The following RTN1 variants were observed in gnomAD, a reference collection of about 807,000 sequenced individuals.
The protein encoded by RTN1 is reticulon-1.
A neutral mutation model predicts 65.5 loss-of-function variants in RTN1; 25 were observed. The observed-to-expected ratio is 0.38, with a 90% CI of 0.28 to 0.53. RTN1 has a LOEUF of 0.53. Among genes scored for constraint, RTN1 ranks in the 20% least tolerant of loss-of-function variants. The pLI is 0.79. For missense variants in RTN1, 983 were observed against 1,025.4 expected (o/e 0.96, Z 0.57); for synonymous variants, 471 against 447.6 (o/e 1.05, Z -0.66).
chr14:59,781,457 A>G (rs543500031), intron 1 of RTN1, among the ~76,000 whole-genome samples: 2 of 152,042 alleles, frequency 1.3e-5, no homozygotes, highest in Non-Finnish European at 2.9e-5. Flanking sequence ...AGTAAGTGGA[A>G]CATAAACTTA....
chr14:59,706,095 A>G (rs1404966826), intron 3 of RTN1, among the ~76,000 whole-genome samples: 3 of 152,202 alleles, frequency 2.0e-5, no homozygotes, highest in Non-Finnish European at 4.4e-5. Context: ...AAAGCAGGAG[A>G]GGAAGTCTCC....
At chr14:59,714,332 T>C (rs1338164488) in intron 3 of RTN1, among the ~76,000 whole-genome samples, 4 of 152,160 alleles carry the variant, frequency 2.6e-5, no homozygotes, top group Non-Finnish European at 5.9e-5. Flanking sequence ...TTATATTACA[T>C]CATGGGTTAT....
intron 1 of RTN1, among the ~76,000 whole-genome samples, chr14:59,854,852 TACC>T (rs1887576487): frequency 6.6e-6 from 1 of 152,100 alleles, no homozygotes; most frequent in African/African-American, 2.4e-5. Context: ...AAAATAACCA[TACC>T]TACTTTATTG....
chr14:59,704,736 G>T (rs759115859), intron 3 of RTN1, among the ~76,000 whole-genome samples: 15 of 152,158 alleles, frequency 9.9e-5, no homozygotes, highest in Non-Finnish European at 1.9e-4. Context: ...AAAGCATCTT[G>T]GGGGAGCCAG....
At chr14:59,835,007 T>A (rs1887189858) in intron 1 of RTN1, among the ~76,000 whole-genome samples, 1 of 152,184 alleles carries the variant, frequency 6.6e-6, no homozygotes, top group Non-Finnish European at 1.5e-5. Flanking sequence ...CAAGTATTAA[T>A]CCAAGAAAAT....
chr14:59,601,076 G>A (rs1881563377), intron 8 of RTN1, among the ~76,000 whole-genome samples: 1 of 152,140 alleles, frequency 6.6e-6, no homozygotes, highest in Non-Finnish European at 1.5e-5. Flanking sequence ...GCCATTTCCT[G>A]CTGGGTTGGA....
chr14:59,836,824 G>A lies in RTN1; in HGVS notation c.241+33566C>T, dbSNP rs1347990600. Among the ~76,000 whole-genome samples, 1 of 152,086 alleles carries A rather than the reference G, an allele frequency of 6.6e-6. No individual in the cohort carries two copies. The highest frequency in any genetic ancestry group is 2.4e-5 in the African/African-American group (1 of 41,412). ...CAAACCAATCCAAAAGGTTCTAGGTGAAAAGGAAGGGAGTGAAGAGGGAGA... is the reference window on the plus strand; with the variant it reads ...CAAACCAATCCAAAAGGTTCTAGGTAAAAAGGAAGGGAGTGAAGAGGGAGA... On this transcript the variant is annotated intron_variant, in intron 1 of 8. Coordinates refer to ENST00000267484, the MANE Select transcript of RTN1 (RefSeq NM_021136.3). This position sits in a 1 kb window ranked among gnomAD's most constrained non-coding sequence, Gnocchi z 4.9.
At chr14:59,776,563 T>G (rs987697438) in intron 1 of RTN1, among the ~76,000 whole-genome samples, 2 of 152,126 alleles carry the variant, frequency 1.3e-5, no homozygotes, top group African/African-American at 4.8e-5. Flanking sequence ...GCTAAGACAT[T>G]CAAAAATAGG....
At chr14:59,750,116 AATATATATTATC>A (rs1456021881) in intron 1 of RTN1, among the ~76,000 whole-genome samples, 1 of 85,782 alleles carries the variant, frequency 1.2e-5, no homozygotes, top group Non-Finnish European at 2.0e-5. Context: ...TATTATATAT[AATATATATTATC>A]TATAATATAT....
chr14:59,779,749 T>G (rs1886118955), intron 1 of RTN1, among the ~76,000 whole-genome samples: 1 of 152,122 alleles, frequency 6.6e-6, no homozygotes, highest in African/African-American at 2.4e-5. Context: ...ACTTACTGCT[T>G]CCCTGGTCCT....
rs536657675 is a variant in RTN1 at position 59,762,809 on chromosome 14, CCTT to C, written c.242-16331_242-16329del. On this transcript the variant is annotated intron_variant, in intron 1 of 8. Transcript: ENST00000267484. Reference sequence around the variant, plus strand: ...AGTTCAAAAACTCATGGGCTGAACACCTTTTTTGAGGTACTTGTGCAAAGGACA... The same window carrying C: ...AGTTCAAAAACTCATGGGCTGAACACTTTTGAGGTACTTGTGCAAAGGACA... 1.5e-3 allele frequency among the ~76,000 whole-genome samples: 234 copies of C among 152,252 alleles called. 1 individual carries two copies. Among genetic ancestry groups the C allele is most frequent in the African/African-American group, 5.5e-3 (228 of 41,560 alleles).
chr14:59,751,865 C>T (rs1212521259), intron 1 of RTN1, among the ~76,000 whole-genome samples: 1 of 152,186 alleles, frequency 6.6e-6, no homozygotes, highest in Non-Finnish European at 1.5e-5. Context: ...TCCTTAAACT[C>T]TGTAGCCTGG....
chr14:59,846,351 C>A lies in RTN1; in HGVS notation c.241+24039G>T, dbSNP rs74783224. ...ATCCCGGCATTCTTTCCACAGCACT[C>A]TTCTCATCCCAGCACCCATATCTGT... On this transcript the variant is annotated intron_variant, in intron 1 of 8. Coordinates refer to ENST00000267484, the MANE Select transcript of RTN1 (RefSeq NM_021136.3). This position sits in a 1 kb window ranked among gnomAD's most constrained non-coding sequence, Gnocchi z 4.8. 3.1e-4 allele frequency among the ~76,000 whole-genome samples: 47 copies of A among 152,312 alleles called. 1 individual carries two copies. In the East Asian group the frequency reaches 8.9e-3, roughly 29 times the overall value.
At chr14:59,848,490 A>C (rs1002832616) in intron 1 of RTN1, among the ~76,000 whole-genome samples, 1 of 152,254 alleles carries the variant, frequency 6.6e-6, no homozygotes, top group South Asian at 2.1e-4. Flanking sequence ...AGAAATTCAA[A>C]GTGATATAAC....
chr14:59,674,513 T>G (rs141247188), intron 3 of RTN1, among the ~76,000 whole-genome samples: 189 of 152,322 alleles, frequency 1.2e-3, no homozygotes, highest in African/African-American at 4.3e-3. Flanking sequence ...AAAGATATTT[T>G]AAAGAGAGCT....
intron 3 of RTN1, among the ~76,000 whole-genome samples, chr14:59,612,650 G>A (rs562558879): frequency 2.3e-4 from 35 of 152,140 alleles, no homozygotes; most frequent in Non-Finnish European, 4.9e-4. Context: ...TGGCAGGCTC[G>A]TCAGTTACAA....
At chr14:59,754,866 G>C (rs555156888) in intron 1 of RTN1, among the ~76,000 whole-genome samples, 1 of 152,180 alleles carries the variant, frequency 6.6e-6, no homozygotes, top group East Asian at 1.9e-4. Flanking sequence ...TAAGTCCCCA[G>C]AGTCCAAGGC....
intron 1 of RTN1, among the ~76,000 whole-genome samples, chr14:59,819,253 C>T (rs1417338985): frequency 6.6e-6 from 1 of 151,906 alleles, no homozygotes; most frequent in Non-Finnish European, 1.5e-5. Context: ...ACTAACCTTC[C>T]ACATTATGGA....
chr14:59,761,173 A>C (rs1885740457), intron 1 of RTN1, among the ~76,000 whole-genome samples: 1 of 152,240 alleles, frequency 6.6e-6, no homozygotes, highest in South Asian at 2.1e-4. Context: ...AATTTGAAAG[A>C]CATTAAAGTC....
Sources: allele counts gnomAD v4.1 joint callset (sites outside exome capture counted in the v4.1 genomes callset), GRCh38; gene constraint gnomAD v4.1.1; non-coding constraint Gnocchi (gnomAD v3.1); transcripts MANE v1.5; gene names NCBI Gene and HGNC (gene_info 2026-07-23, HGNC 2026-07-21).